Variants in RFX1 observed in about 807,000 individuals in gnomAD.
The protein encoded by RFX1 is MHC class II regulatory factor RFX1.
In RFX1, 42 loss-of-function variants were observed where a neutral mutation model predicts 119.6. The observed-to-expected ratio is 0.35, with a 90% CI of 0.27 to 0.45. The LOEUF (loss-of-function observed/expected upper bound fraction) is 0.45, where lower values mean the gene tolerates loss of function less well. Among genes scored for constraint, RFX1 ranks in the 20% least tolerant of loss-of-function variants. The pLI is 1.00. For synonymous variants in RFX1, 628 were observed against 618.5 expected (o/e 1.02, Z -0.23); for missense variants, 1,118 against 1,368.1 (o/e 0.82, Z 2.88).
intron 12 of RFX1, among the ~76,000 whole-genome samples, chr19:13,967,089 A>C (rs781437816): frequency 1.3e-5 from 2 of 152,200 alleles, no homozygotes; most frequent in Non-Finnish European, 2.9e-5. Flanking sequence ...AGTCAGGACC[A>C]CAGGACACTG....
At chr19:13,975,415 GTGGCC>G (rs1974225274) in intron 8 of RFX1, among the ~76,000 whole-genome samples, 2 of 152,012 alleles carry the variant, frequency 1.3e-5, no homozygotes, top group Non-Finnish European at 2.9e-5. Context: ...CAGTCAAGAG[GTGGCC>G]TGGCTCAGAC....
chr19:13,982,105 C>A lies in RFX1; in HGVS notation c.621+16G>T. 1 of 1,278,886 alleles carries A rather than the reference C, an allele frequency of 7.8e-7. No individual in the cohort carries two copies. Among genetic ancestry groups the A allele is most frequent in the Non-Finnish European group, 1.0e-6 (1 of 991,870 alleles). The allele number at this position is 1,278,886 out of a possible 1,614,324, so 79.2% of individuals were successfully genotyped here. A position where few individuals can be genotyped will look rare whatever the true frequency, so the allele number is the denominator to read the frequency against. ...AGACAGCAGGGGGGAGGGCGGCCAACAGGACCACCACTTACCTCTGGGGGC... is the reference window on the plus strand; with the variant it reads ...AGACAGCAGGGGGGAGGGCGGCCAAAAGGACCACCACTTACCTCTGGGGGC... On this transcript the variant is annotated intron_variant, in intron 5 of 20. Transcript: ENST00000254325.
chr19:13,965,880 G>A lies in RFX1; in HGVS notation c.1962-103C>T. The A allele has an allele frequency of 7.2e-7, 1 of 1,392,626 alleles. No individual in the cohort carries two copies. The highest frequency in any genetic ancestry group is 9.9e-7 in the Non-Finnish European group (1 of 1,014,122). 86.3% of individuals were successfully genotyped at this position (1,392,626 alleles called of 1,614,324 possible). On this transcript the variant is annotated intron_variant, in intron 14 of 20. Coordinates refer to ENST00000254325, the MANE Select transcript of RFX1 (RefSeq NM_002918.5). The surrounding 1 kb of genome is among the most constrained non-coding windows in gnomAD (Gnocchi z 4.7). ...CCCTGTCCCTGACCCAGGGTCACTG[G>A]GGTACTCTGTGGTTCTACCCCCAGC...
chr19:13,964,399 T>A (rs1489835844), intron 16 of RFX1, among the ~76,000 whole-genome samples: 3 of 151,884 alleles, frequency 2.0e-5, no homozygotes, highest in Non-Finnish European at 4.4e-5. Context: ...TTTTTTTTTT[T>A]TTAAAAACGA....
chr19:14,001,162 C>A (rs1258410621), intron 1 of RFX1, among the ~76,000 whole-genome samples: 2 of 152,202 alleles, frequency 1.3e-5, no homozygotes, highest in South Asian at 4.1e-4. Flanking sequence ...CTGTCCCCAC[C>A]GCCACCTTCA....
chr19:14,004,444 G>T (rs1332692881), intron 1 of RFX1, among the ~76,000 whole-genome samples: 3 of 152,192 alleles, frequency 2.0e-5, no homozygotes, highest in African/African-American at 4.8e-5. Context: ...GGAGGCGGAG[G>T]CTGCAGTGAG....
chr19:13,973,181 G>A (rs1335664090), intron 8 of RFX1, 54 bp from the exon 9 acceptor site: 8 of 1,260,822 alleles, frequency 6.3e-6, no homozygotes, highest in East Asian at 5.3e-5. Context: ...CTGGGGGGCC[G>A]AGGGGCATGA....
At chr19:13,984,024 C>G (rs1040256005) in intron 2 of RFX1, among the ~76,000 whole-genome samples, 3 of 152,036 alleles carry the variant, frequency 2.0e-5, no homozygotes, top group Non-Finnish European at 2.9e-5. Context: ...CCCTGGCTTC[C>G]CGGGAGTGGA....
In RFX1 at chr19:13,966,658, T is replaced by C; in HGVS notation, c.1826A>G (p.Gln609Arg). ...CTCACAGTGTTCCCGGTACAGGACC[T>C]GGAAGGCTTTGATGTCCCCGGGCCC... ...GVGPGDIKAFQVLYREHCEAI... is the reference protein window; with the variant it reads ...GVGPGDIKAFRVLYREHCEAI... Residue 609 changes from glutamine to arginine, a missense_variant, in exon 13 of 21, where the codon CAG (glutamine) becomes CGG (arginine). By Grantham distance (43) the Gln-to-Arg change is conservative (BLOSUM62 1). Around this residue, in one of 5 missense-constraint regions of RFX1, gnomAD observed 338 missense variants for 508.9 expected, o/e 0.66. Transcript: ENST00000254325. This position sits in a 1 kb window ranked among gnomAD's most constrained non-coding sequence, Gnocchi z 6.3. 6.2e-7 allele frequency: 1 copy of C among 1,608,558 alleles called. No individual in the cohort carries two copies. The highest frequency in any genetic ancestry group is 8.5e-7 in the Non-Finnish European group (1 of 1,177,270).
At position 13,974,560 on chromosome 19, in the gene RFX1, G is replaced by A. The variant is rs536715445; in HGVS notation, c.930-1433C>T. ...GAACCTAACACCGGGCAGATAAGAGGCAGAGAAGAGTGGGGACCGTGTGAC... is the reference window on the plus strand; with the variant it reads ...GAACCTAACACCGGGCAGATAAGAGACAGAGAAGAGTGGGGACCGTGTGAC... On this transcript the variant is annotated intron_variant, in intron 8 of 20. Transcript: ENST00000254325. Among the ~76,000 whole-genome samples the A allele has an allele frequency of 1.2e-4, 18 of 152,276 alleles. 1 individual carries two copies. The South Asian group carries it at 3.7e-3, about 32-fold the overall frequency.
chr19:13,970,267 T>A lies in RFX1; in HGVS notation c.1315-92A>T. On this transcript the variant is annotated intron_variant, in intron 9 of 20. Transcript: ENST00000254325. ...TGAGTGCCCCACATCGACTTCCAGC[T>A]GGGATCCTGACAGCCACGCCCACAT... The A allele has an allele frequency of 1.0e-5, 12 of 1,170,180 alleles. No homozygotes were observed. The South Asian group carries it at 1.8e-4, about 18-fold the overall frequency. 72.5% of individuals were successfully genotyped at this position (1,170,180 alleles called of 1,614,324 possible).
Position 13,968,572 on chromosome 19 carries a change from T to C in RFX1, c.1725A>G (p.Gln575=). Residue 575 remains glutamine, a synonymous_variant, in exon 12 of 21, where the codon CAA becomes CAG. Coordinates refer to ENST00000254325, the MANE Select transcript of RFX1 (RefSeq NM_002918.5). The surrounding 1 kb of genome is among the most constrained non-coding windows in gnomAD (Gnocchi z 5.5). The part of the protein sequence containing the change: ...DISAQVQQYQ[Q]FLDASRSLPD... The stretch of plus-strand genomic sequence containing the variant: ...GGGCCAGGGAGCTCTCACCCAAAAA[T>C]TGCTGGTACTGCTGCACCTGGGCGC... The C allele has an allele frequency of 6.2e-7, 1 of 1,613,034 alleles. No homozygotes were observed. The highest frequency in any genetic ancestry group is 2.2e-5 in the East Asian group (1 of 44,880).
intron 1 of RFX1, among the ~76,000 whole-genome samples, chr19:14,005,894 C>A (rs1164734450): frequency 4.6e-5 from 7 of 151,718 alleles, no homozygotes; most frequent in Non-Finnish European, 5.9e-5. Context: ...TGCGAGCGCC[C>A]GCCCCTCGCG....
intron 9 of RFX1, among the ~76,000 whole-genome samples, chr19:13,971,480 C>T (rs1568462530): frequency 6.6e-6 from 1 of 152,066 alleles, no homozygotes; most frequent in Admixed American, 6.6e-5. Flanking sequence ...CCAGGGCTGC[C>T]CCAGGGACTT....
chr19:13,963,639 G>C lies in RFX1; in HGVS notation c.2469C>G (p.Ala823=), dbSNP rs764954628. The C allele has an allele frequency of 8.7e-6, 14 of 1,602,096 alleles. No individual in the cohort carries two copies. The highest frequency in any genetic ancestry group is 9.3e-6 in the Non-Finnish European group (11 of 1,177,696). The change falls in exon 18 of 21, where the codon GCC becomes GCG. Residue 823 remains alanine, a synonymous_variant. Transcript: ENST00000254325. ...QQQNSLEQWA[A]WLDGVVSQVL... ...CCTGGCTCACCACGCCGTCCAGCCA[G>C]GCCGCCCACTGCTCCAGCGAGTTCT...
At chr19:13,982,298 G>T in intron 4 of RFX1, 70 bp from the exon 5 acceptor site, 1 of 813,210 alleles carries the variant, frequency 1.2e-6, no homozygotes, top group Non-Finnish European at 1.7e-6. Flanking sequence ...GAGCATCTGC[G>T]CAGTGCCAGG....
At position 13,968,699 on chromosome 19, in the gene RFX1, G is replaced by A; in HGVS notation, c.1617-19C>T. The A allele has an allele frequency of 1.2e-6, 2 of 1,612,042 alleles. No homozygotes were observed. Among genetic ancestry groups the A allele is most frequent in the Non-Finnish European group, 1.7e-6 (2 of 1,179,436 alleles). ...CTTGAGCCTGGAGTAGAATGGGCAG[G>A]TGGGCCGGCTGCTGGGGGCCGGCCT... is the stretch of plus-strand genomic sequence containing the variant. On this transcript the variant is annotated intron_variant, in intron 11 of 20. Coordinates refer to ENST00000254325, the MANE Select transcript of RFX1 (RefSeq NM_002918.5). The surrounding 1 kb of genome is among the most constrained non-coding windows in gnomAD (Gnocchi z 5.5).
In RFX1 at chr19:13,963,196, C is replaced by T. The variant is rs1973770006; in HGVS notation, c.2650G>A (p.Glu884Lys). Residue 884 changes from glutamate (E) to lysine (K), a missense_variant, in exon 19 of 21, where the codon GAG becomes AAG. By Grantham distance (56) the Glu-to-Lys change is moderately conservative. This residue lies in a region of RFX1 where 32 missense variants were observed against 71.5 expected (regional missense o/e 0.45). Coordinates refer to ENST00000254325, the MANE Select transcript of RFX1 (RefSeq NM_002918.5). ...TGCTCGATCAGGTAGTACATGTACT[C>T]GTCGTAGAGCAGCCGGATGAGGTGG... Reference protein sequence around the residue: ...SFHLIRLLYDEYMYYLIEHRV... With the variant: ...SFHLIRLLYDKYMYYLIEHRV... 1 of 1,612,686 alleles carries T rather than the reference C, an allele frequency of 6.2e-7. No individual in the cohort carries two copies. The highest frequency in any genetic ancestry group is 8.5e-7 in the Non-Finnish European group (1 of 1,179,478).
chr19:14,005,367 G>A (rs1445374720), intron 1 of RFX1, among the ~76,000 whole-genome samples: 2 of 152,190 alleles, frequency 1.3e-5, no homozygotes, highest in Admixed American at 6.5e-5. Flanking sequence ...AGAGAAGGTG[G>A]CAGGTTTAGG....
Sources: allele counts gnomAD v4.1 joint callset (sites outside exome capture counted in the v4.1 genomes callset), GRCh38; gene constraint gnomAD v4.1.1; regional missense constraint gnomAD v4.1.1; non-coding constraint Gnocchi (gnomAD v3.1); transcripts MANE v1.5; gene names NCBI Gene and HGNC (gene_info 2026-07-23, HGNC 2026-07-21).